PLEKHO1: variants seen among roughly 807,000 people sequenced by gnomAD.
The protein encoded by PLEKHO1 is pleckstrin homology domain containing O1, also known as pleckstrin homology domain-containing family O member 1.
Under a neutral mutation model 41.4 loss-of-function variants are expected in PLEKHO1, and 22 were observed. That is an observed-to-expected ratio of 0.53 (90% CI 0.38 to 0.76). The LOEUF (loss-of-function observed/expected upper bound fraction) is 0.76. Among genes scored for constraint, PLEKHO1 ranks in the 30% least tolerant of loss-of-function variants. The probability of loss-of-function intolerance (pLI) is 0.00; values close to 1 mark genes in which losing one functional copy is unlikely to be tolerated. For synonymous variants in PLEKHO1, 225 were observed against 210.8 expected (o/e 1.07, Z -0.58); for missense variants, 488 against 518.3 (o/e 0.94, Z 0.57).
At chr1:150,158,223 T>C (rs1660258564) in intron 5 of PLEKHO1, among the ~76,000 whole-genome samples, 1 of 152,080 alleles carries the variant, frequency 6.6e-6, no homozygotes, top group African/African-American at 2.4e-5. Context: ...CAGATGCAGT[T>C]TAATTGCTGA....
Position 150,158,945 on chromosome 1 carries a change from C to A in PLEKHO1, c.652C>A (p.Leu218Met), listed in dbSNP as rs781901548. 1.9e-6 allele frequency: 3 copies of A among 1,614,192 alleles called. No homozygotes were observed. Among genetic ancestry groups the A allele is most frequent in the Non-Finnish European group, 2.5e-6 (3 of 1,180,028 alleles). The change falls in exon 6 of 6, where the codon CTG (leucine) becomes ATG (methionine). Residue 218 changes from leucine (L) to methionine (M), a missense_variant. Leu to Met is a conservative substitution (Grantham distance 15). Around this residue, in one of 3 missense-constraint regions of PLEKHO1, gnomAD observed 337 missense variants for 324.6 expected, o/e 1.04. Transcript: ENST00000369124. ...TGACCTGGACAAGTCTGTGGCCCAGCTGGCAGGGAGCCGGCGGAGAGCGGA... is the reference window on the plus strand; with the variant it reads ...TGACCTGGACAAGTCTGTGGCCCAGATGGCAGGGAGCCGGCGGAGAGCGGA... ...RVDLDKSVAQLAGSRRRADSD... is the reference protein window; with the variant it reads ...RVDLDKSVAQMAGSRRRADSD...
intron 2 of PLEKHO1, among the ~76,000 whole-genome samples, chr1:150,151,788 C>G (rs1254650237): frequency 6.6e-6 from 1 of 152,246 alleles, no homozygotes; most frequent in South Asian, 2.1e-4. Flanking sequence ...ACAGTCTACA[C>G]TGTGTCAAGA....
intron 2 of PLEKHO1, 45 bp from the exon 3 acceptor site, chr1:150,156,021 G>A (rs1553820304): frequency 1.9e-6 from 3 of 1,569,756 alleles, no homozygotes; most frequent in Non-Finnish European, 2.6e-6. Flanking sequence ...GGGTGGAGGG[G>A]CTAAATAATT....
intron 2 of PLEKHO1, 166 bp from the exon 3 acceptor site, chr1:150,155,900 C>T (rs1660148053): frequency 4.7e-6 from 3 of 643,924 alleles, no homozygotes; most frequent in South Asian, 1.9e-5. Context: ...CTAGCGTCCT[C>T]CTCGATGTGA....
At chr1:150,153,642 T>G (rs1320504493) in intron 2 of PLEKHO1, 1 of 152,210 alleles carries the variant, frequency 6.6e-6, no homozygotes, top group African/African-American at 2.4e-5. Context: ...CCGTAGAATT[T>G]CTTCTGTGTT....
intron 1 of PLEKHO1, 22 bp from the exon 2 acceptor site, chr1:150,150,890 T>A: frequency 6.2e-7 from 1 of 1,612,042 alleles, no homozygotes; most frequent in Non-Finnish European, 8.5e-7. Flanking sequence ...AACCGCCCGC[T>A]TCTCATCTTG....
At chr1:150,149,907 G>C (rs1553818065), upstream of PLEKHO1, 2 of 151,066 alleles carry the variant, frequency 1.3e-5, no homozygotes, top group African/African-American at 4.9e-5. Context: ...GGTGCGGACT[G>C]GGCCGCCCAC....
At chr1:150,151,198 G>C in intron 2 of PLEKHO1, 140 bp downstream of exon 2, 1 of 785,156 alleles carries the variant, frequency 1.3e-6, no homozygotes, top group Non-Finnish European at 2.1e-6. Flanking sequence ...CATCTCATCT[G>C]CAGAGAAAGG....
In PLEKHO1 at chr1:150,150,079, G is replaced by T. The variant is rs76541931; in HGVS notation, c.-179G>T. 5 of 166,484 alleles carry T rather than the reference G, an allele frequency of 3.0e-5. No homozygotes were observed. Among genetic ancestry groups the T allele is most frequent in the Non-Finnish European group, 6.2e-5 (5 of 80,392 alleles). 10.3% of individuals were successfully genotyped at this position (166,484 alleles called of 1,614,324 possible). On this transcript the variant is annotated 5_prime_UTR_variant, in exon 1 of 6. An upstream open reading frame in the 5' UTR gains an earlier in-frame stop. Coordinates refer to ENST00000369124, the MANE Select transcript of PLEKHO1 (RefSeq NM_016274.6). ...TGCGAATGCGAGGGAGGCCGGCCTT[G>T]AGTGAAACCGGAGCTACAAAGAAGG...
At chr1:150,157,539 T>C in intron 5 of PLEKHO1, 53 bp downstream of exon 5, 5 of 1,281,214 alleles carry the variant, frequency 3.9e-6, no homozygotes, top group Non-Finnish European at 5.7e-6. Context: ...TGTCAGTCCA[T>C]CTCAGACAGA....
intron 4 of PLEKHO1, 175 bp from the exon 5 acceptor site, chr1:150,157,210 T>C (rs1660209103): frequency 2.8e-6 from 2 of 706,758 alleles, no homozygotes; most frequent in East Asian, 2.7e-5. Flanking sequence ...TCTTCCCCGC[T>C]TCATGATGGG....
intron 3 of PLEKHO1, among the ~76,000 whole-genome samples, chr1:150,156,657 A>T (rs1660182279): frequency 6.6e-6 from 1 of 152,140 alleles, no homozygotes; most frequent in Admixed American, 6.6e-5. Context: ...TCCTCTAATT[A>T]TCTCTAATAC....
intron 4 of PLEKHO1, 180 bp from the exon 5 acceptor site, chr1:150,157,205 C>T: frequency 2.8e-6 from 2 of 703,588 alleles, no homozygotes; most frequent in Non-Finnish European, 2.6e-6. Flanking sequence ...CCTCCTCTTC[C>T]CCGCTTCATG....
chr1:150,158,923 C>A lies in PLEKHO1; in HGVS notation c.630C>A (p.Asp210Glu). Residue 210 changes from aspartate (D) to glutamate (E), a missense_variant, in exon 6 of 6, where the codon GAC becomes GAA. Around this residue, in one of 3 missense-constraint regions of PLEKHO1, gnomAD observed 337 missense variants for 324.6 expected, o/e 1.04. Transcript: ENST00000369124. ...PTSCAESFRVDLDKSVAQLAG... is the reference protein window; with the variant it reads ...PTSCAESFRVELDKSVAQLAG... ...CTTGTGCTGAGAGCTTTCGGGTTGA[C>A]CTGGACAAGTCTGTGGCCCAGCTGG... 1.2e-6 allele frequency: 2 copies of A among 1,614,164 alleles called. No homozygotes were observed. Among genetic ancestry groups the A allele is most frequent in the Non-Finnish European group, 1.7e-6 (2 of 1,180,014 alleles).
chr1:150,159,359 G>A lies in PLEKHO1; in HGVS notation c.1066G>A (p.Glu356Lys). Residue 356 changes from glutamate (E) to lysine (K), a missense_variant, in exon 6 of 6, where the codon GAA becomes AAA. Transcript: ENST00000369124. ...SESEQLLLETERLLGEASSNW... is the reference protein window; with the variant it reads ...SESEQLLLETKRLLGEASSNW... ...GTCAGAGCAGCTGCTGCTGGAGACGGAACGGCTGCTGGGAGAGGCATCATC... is the reference window on the plus strand; with the variant it reads ...GTCAGAGCAGCTGCTGCTGGAGACGAAACGGCTGCTGGGAGAGGCATCATC... 2.5e-6 allele frequency: 4 copies of A among 1,614,202 alleles called. No homozygotes were observed. The highest frequency in any genetic ancestry group is 3.4e-6 in the Non-Finnish European group (4 of 1,180,044).
At chr1:150,155,289 A>G (rs1660118059) in intron 2 of PLEKHO1, 1 of 152,166 alleles carries the variant, frequency 6.6e-6, no homozygotes, top group African/African-American at 2.4e-5. Flanking sequence ...ACTTTTTTCC[A>G]AGTCTAAAGT....
At chr1:150,152,290 T>G (rs1412145847) in intron 2 of PLEKHO1, among the ~76,000 whole-genome samples, 1 of 151,974 alleles carries the variant, frequency 6.6e-6, no homozygotes, top group African/African-American at 2.4e-5. Context: ...AACTAGCAAG[T>G]TGGTGATGGA....
Position 150,150,296 on chromosome 1 carries a change from G to T in PLEKHO1, c.30+9G>T. On this transcript the variant is annotated intron_variant, in intron 1 of 5. Coordinates refer to ENST00000369124, the MANE Select transcript of PLEKHO1 (RefSeq NM_016274.6). ...ACAATTCCGCCAAGCGGGTGAGTGC[G>T]CTTGCCCGCCCTGCGGCCGCCGCCG... The T allele has an allele frequency of 9.1e-7, 1 of 1,096,806 alleles. No homozygotes were observed. The highest frequency in any genetic ancestry group is 1.1e-6 in the Non-Finnish European group (1 of 893,896). The allele number at this position is 1,096,806 out of a possible 1,614,324, so 67.9% of individuals were successfully genotyped here. A position where few individuals can be genotyped will look rare whatever the true frequency, so the allele number is the denominator to read the frequency against.
rs587758255 is a variant in PLEKHO1 at position 150,151,154 on chromosome 1, C to A, written c.177+96C>A. On this transcript the variant is annotated intron_variant, in intron 2 of 5. Coordinates refer to ENST00000369124, the MANE Select transcript of PLEKHO1 (RefSeq NM_016274.6). Reference sequence around the variant, plus strand: ...TAGCTTACTCCACCCCCGTTTTGTTCCAAAGGCAAGTTCAGTGGTCTCCTC... The same window carrying A: ...TAGCTTACTCCACCCCCGTTTTGTTACAAAGGCAAGTTCAGTGGTCTCCTC... The A allele has an allele frequency of 1.8e-3, 2,520 of 1,436,662 alleles. 30 individuals are homozygous for A. The highest frequency in any genetic ancestry group is 0.017 in the South Asian group (1,389 of 83,098). The allele number at this position is 1,436,662 out of a possible 1,614,324, so 89.0% of individuals were successfully genotyped here.
Sources: allele counts gnomAD v4.1 joint callset (sites outside exome capture counted in the v4.1 genomes callset), GRCh38; gene constraint gnomAD v4.1.1; regional missense constraint gnomAD v4.1.1; transcripts MANE v1.5; gene names NCBI Gene and HGNC (gene_info 2026-07-23, HGNC 2026-07-21).